The following FAM3B variants were observed in gnomAD, a reference collection of about 807,000 sequenced individuals.
FAM3B encodes protein FAM3B.
FAM3B carries 29 observed loss-of-function variants against 28.4 expected under a neutral mutation model. The ratio of observed to expected loss-of-function variants is 1.02; its 90% CI spans 0.76 to 1.39. The LOEUF (loss-of-function observed/expected upper bound fraction) is 1.39, where lower values mean the gene tolerates loss of function less well. FAM3B is among the 40% of genes most tolerant of loss of function. The pLI, the probability that FAM3B is intolerant of heterozygous loss-of-function variation, is 0.00. For synonymous variants in FAM3B, 91 were observed against 103.0 expected, an observed-to-expected ratio of 0.88 and a Z score of 0.71; for missense variants, 266 against 293.9, an observed-to-expected ratio of 0.91 and a Z score of 0.69.
intron 1 of FAM3B, among the ~76,000 whole-genome samples, chr21:41,311,269 T>A (rs867484526): frequency 0.012 from 683 of 56,014 alleles, 40 homozygotes; most frequent in African/African-American, 0.033. Flanking sequence ...TATATATATA[T>A]ATATATATAT....
upstream of FAM3B, among the ~76,000 whole-genome samples, chr21:41,316,283 G>T (rs2088748164): frequency 6.6e-6 from 1 of 152,188 alleles, no homozygotes; most frequent in Non-Finnish European, 1.5e-5. Flanking sequence ...TTCCCAGAAT[G>T]AATTCATCAT....
At chr21:41,349,482 C>T (rs1373326918) in intron 7 of FAM3B, among the ~76,000 whole-genome samples, 1 of 152,174 alleles carries the variant, frequency 6.6e-6, no homozygotes, top group Non-Finnish European at 1.5e-5. Context: ...AGGATAAGGG[C>T]CTCCTTTCCA....
At chr21:41,332,752 C>T (rs1004839374) in intron 2 of FAM3B, among the ~76,000 whole-genome samples, 5 of 152,118 alleles carry the variant, frequency 3.3e-5, no homozygotes, top group African/African-American at 7.2e-5. Context: ...TAGTCTCTTA[C>T]GATACTTCAG....
chr21:41,329,558 TTTTC>T (rs1454281540), intron 2 of FAM3B, among the ~76,000 whole-genome samples: 1 of 151,850 alleles, frequency 6.6e-6, no homozygotes, highest in Non-Finnish European at 1.5e-5. Flanking sequence ...CCGGAAAGTG[TTTTC>T]TTTCTTTTTC....
chr21:41,348,685 A>G lies in FAM3B; in HGVS notation c.579A>G (p.Ala193=), dbSNP rs377117970. 24 of 1,614,078 alleles carry G rather than the reference A, an allele frequency of 1.5e-5. No homozygotes were observed. The African/African-American group carries it at 2.9e-4, about 20-fold the overall frequency. The change falls in exon 7 of 8, where the codon GCA becomes GCG. Residue 193 remains alanine, a synonymous_variant. Transcript: ENST00000357985. ...GGTCTAGCTGGGTATTTATTGCAGCAAAAGGCTTGGAACTCCCTTCCGAAA... is the reference window on the plus strand; with the variant it reads ...GGTCTAGCTGGGTATTTATTGCAGCGAAAGGCTTGGAACTCCCTTCCGAAA... ...KFRSSWVFIA[A]KGLELPSEIQ...
intron 1 of FAM3B, among the ~76,000 whole-genome samples, chr21:41,309,891 C>T (rs553158466): frequency 6.6e-6 from 1 of 152,308 alleles, no homozygotes; most frequent in East Asian, 1.9e-4. Flanking sequence ...GGGGAGCAAC[C>T]CAAAATGGTG....
upstream of FAM3B, among the ~76,000 whole-genome samples, chr21:41,314,744 C>G (rs974884323): frequency 1.4e-5 from 2 of 142,080 alleles, no homozygotes; most frequent in Non-Finnish European, 3.0e-5. Context: ...ACTTCATACC[C>G]ATTAGGAAGG....
intron 3 of FAM3B, among the ~76,000 whole-genome samples, chr21:41,343,527 A>G (rs2089025843): frequency 6.6e-6 from 1 of 152,244 alleles, no homozygotes; most frequent in Admixed American, 6.5e-5. Context: ...CACTAAGCCT[A>G]GAAAACTCAT....
At chr21:41,344,235 G>C (rs2089035255) in intron 3 of FAM3B, among the ~76,000 whole-genome samples, 1 of 152,272 alleles carries the variant, frequency 6.6e-6, no homozygotes, top group Admixed American at 6.5e-5. Flanking sequence ...ATTGAATGCA[G>C]TGTCCAGGTC....
rs1374067502 is a variant in FAM3B at position 41,311,273 on chromosome 21, T to A, written n.99+6963T>A. ...AAAAATATATATATATATATATATA[T>A]ATATATATATATATATATATATATG... On this transcript the variant is annotated intron_variant and non_coding_transcript_variant, in intron 1 of 9. Transcript: ENST00000479810. Among the ~76,000 whole-genome samples the A allele has an allele frequency of 7.4e-3, 550 of 74,044 alleles. 20 individuals carry two copies. The highest frequency in any genetic ancestry group is 8.3e-3 in the Non-Finnish European group (341 of 41,214). The allele number at this position is 74,044 out of a possible 152,430, so 48.6% of individuals were successfully genotyped here. A position where few individuals can be genotyped will look rare whatever the true frequency, so the allele number is the denominator to read the frequency against.
intron 3 of FAM3B, 146 bp from the exon 4 acceptor site, chr21:41,344,330 C>G: frequency 1.5e-6 from 1 of 679,350 alleles, no homozygotes; most frequent in Non-Finnish European, 2.6e-6. Context: ...GTGGCGGTCT[C>G]GGGAGCTGCA....
intron 7 of FAM3B, among the ~76,000 whole-genome samples, chr21:41,349,803 G>A (rs1013506324): frequency 2.0e-5 from 3 of 151,596 alleles, no homozygotes; most frequent in African/African-American, 2.4e-5. Context: ...CCGGAGGCCC[G>A]GAAACCATGG....
intron 1 of FAM3B, among the ~76,000 whole-genome samples, chr21:41,311,251 A>AATATATATATATAT (rs1168140562): frequency 1.1e-4 from 4 of 35,068 alleles, no homozygotes; most frequent in Non-Finnish European, 1.4e-4. Context: ...AAAAAAAAAA[A>AATATATATATATAT]ATATATATAT....
intron 2 of FAM3B, among the ~76,000 whole-genome samples, chr21:41,331,407 T>G (rs1322506497): frequency 6.6e-6 from 1 of 152,220 alleles, no homozygotes; most frequent in Non-Finnish European, 1.5e-5. Flanking sequence ...CTCCGCTGAT[T>G]GTTTCCTCTG....
At chr21:41,353,590 G>A (rs1234550899) in intron 7 of FAM3B, among the ~76,000 whole-genome samples, 5 of 152,200 alleles carry the variant, frequency 3.3e-5, no homozygotes, top group Non-Finnish European at 7.4e-5. Context: ...ATGGTATTGG[G>A]AAAGCTGGAT....
intron 3 of FAM3B, among the ~76,000 whole-genome samples, chr21:41,343,763 G>A (rs442079): frequency 0.048 from 7,338 of 152,206 alleles, 226 homozygotes; most frequent in African/African-American, 0.064. Context: ...TAGTTTTCCT[G>A]ATTTTAGGGC....
rs1186828063 is a variant in FAM3B at position 41,345,675 on chromosome 21, T to G, written c.347-11T>G. ...AACTTTCTTTTAAAATACCATTTCT[T>G]TTATTTTCAGATGTAACTGGGAATG... is the stretch of plus-strand genomic sequence containing the variant. On this transcript the variant is annotated splice_polypyrimidine_tract_variant and intron_variant, in intron 4 of 7. Transcript: ENST00000357985. 1 of 1,526,772 alleles carries G rather than the reference T, an allele frequency of 6.5e-7. No individual in the cohort carries two copies. The highest frequency in any genetic ancestry group is 8.8e-7 in the Non-Finnish European group (1 of 1,137,934). 94.6% of individuals were successfully genotyped at this position (1,526,772 alleles called of 1,614,324 possible).
chr21:41,356,148 T>C (rs1221408583), intron 7 of FAM3B, among the ~76,000 whole-genome samples: 1 of 152,016 alleles, frequency 6.6e-6, no homozygotes. Flanking sequence ...TGGTAGCTAC[T>C]AGCTAAATTT....
At chr21:41,341,014 G>T (rs1282169834) in intron 3 of FAM3B, among the ~76,000 whole-genome samples, 2 of 152,022 alleles carry the variant, frequency 1.3e-5, no homozygotes, top group Admixed American at 6.6e-5. Context: ...GTATGAATAT[G>T]TGTGCATATG....
Sources: allele counts gnomAD v4.1 joint callset (sites outside exome capture counted in the v4.1 genomes callset), GRCh38; gene constraint gnomAD v4.1.1; transcripts MANE v1.5; gene names NCBI Gene and HGNC (gene_info 2026-07-23, HGNC 2026-07-21).